Variants in MDN1 observed in about 807,000 individuals in gnomAD.
MDN1 encodes midasin AAA ATPase 1.
In MDN1, 266 loss-of-function variants were observed where a neutral mutation model predicts 669.2. The observed-to-expected ratio is 0.40, with a 90% CI of 0.36 to 0.44. The LOEUF (loss-of-function observed/expected upper bound fraction) is 0.44. MDN1 is among the 20% of genes least tolerant of loss of function. The probability of loss-of-function intolerance (pLI) is 1.00; values close to 1 mark genes in which losing one functional copy is unlikely to be tolerated. For synonymous variants in MDN1, 2,385 were observed against 2,457.1 expected, an observed-to-expected ratio of 0.97 and a Z score of 0.87; for missense variants, 5,940 against 6,754.0, an observed-to-expected ratio of 0.88 and a Z score of 4.22.
chr6:89,751,236 C>T, intron 23 of MDN1, 195 bp downstream of exon 23: 1 of 557,384 alleles, frequency 1.8e-6, no homozygotes, highest in Non-Finnish European at 3.0e-6. Flanking sequence ...ATCCATAGTG[C>T]TCCCTCCAAA....
At position 89,712,620 on chromosome 6, in the gene MDN1, A is replaced by G. The variant is rs775027253; in HGVS notation, c.7385T>C (p.Val2462Ala). 2 of 1,614,202 alleles carry G rather than the reference A, an allele frequency of 1.2e-6. No individual in the cohort carries two copies. Among genetic ancestry groups the G allele is most frequent in the African/African-American group, 2.7e-5 (2 of 75,056 alleles). The change falls in exon 48 of 102, where the codon GTA (valine) becomes GCA (alanine). Residue 2462 changes from valine to alanine, a missense_variant. Physicochemically the swap from Val to Ala is moderately conservative, Grantham distance 64 (BLOSUM62 0). Coordinates refer to ENST00000369393, the MANE Select transcript of MDN1 (RefSeq NM_014611.3). Reference protein sequence around the residue: ...STVRRDGQILVYCLNRMSMKT... With the variant: ...STVRRDGQILAYCLNRMSMKT... ...CATGCTCATCCTGTTGAGACAATAT[A>G]CTAAGATCTGTCCATCTCTTCGGAC...
Position 89,689,998 on chromosome 6 carries a change from A to T in MDN1, c.10895T>A (p.Leu3632His). 6.2e-7 allele frequency: 1 copy of T among 1,614,222 alleles called. No individual in the cohort carries two copies. The highest frequency in any genetic ancestry group is 8.5e-7 in the Non-Finnish European group (1 of 1,180,034). ...ATACCAGAGGGATCGAGCAAAGTTGAGACACAATTGCTGGTGTATCAGCAT... is the reference window on the plus strand; with the variant it reads ...ATACCAGAGGGATCGAGCAAAGTTGTGACACAATTGCTGGTGTATCAGCAT... ...AVMLIHQQLC[L>H]NFARSLWYQQ... The change falls in exon 65 of 102, where the codon CTC (leucine) becomes CAC (histidine). Residue 3632 changes from leucine (L) to histidine (H), a missense_variant. Physicochemically the swap from Leu to His is moderately conservative, Grantham distance 99. Transcript: ENST00000369393.
chr6:89,692,951 C>G lies in MDN1; in HGVS notation c.10079G>C (p.Arg3360Pro), dbSNP rs374811330. 1.9e-6 allele frequency: 3 copies of G among 1,614,066 alleles called. No homozygotes were observed. Among genetic ancestry groups the G allele is most frequent in the African/African-American group, 1.3e-5 (1 of 75,034 alleles). ...LLQALHIDGP[R>P]SAQVAQSLLK... ...AAGGCTCTGGGCTACTTGGGCAGACCGTGGCCCATCTATGTGGAGGGCCTG... is the reference window on the plus strand; with the variant it reads ...AAGGCTCTGGGCTACTTGGGCAGACGGTGGCCCATCTATGTGGAGGGCCTG... Residue 3360 changes from arginine to proline, a missense_variant, in exon 63 of 102, where the codon CGG (arginine) becomes CCG (proline). Physicochemically the swap from Arg to Pro is moderately radical, Grantham distance 103 (BLOSUM62 -2). Transcript: ENST00000369393.
chr6:89,658,727 A>G lies in MDN1; in HGVS notation c.14904T>C (p.Ala4968=). 3.7e-6 allele frequency: 6 copies of G among 1,614,182 alleles called. No individual in the cohort carries two copies. The highest frequency in any genetic ancestry group is 5.1e-6 in the Non-Finnish European group (6 of 1,180,038). Residue 4968 remains alanine (A), a synonymous_variant, in exon 89 of 102, where the codon GCT becomes GCC. Transcript: ENST00000369393. ...CAGAGTGTTCTTCAGGATGCTGAGC[A>G]GCATCTCCATCTTGGTCATCAGCTC... The part of the protein sequence containing the change: ...DTGADDQDGD[A]AQHPEEHSEE...
intron 84 of MDN1, among the ~76,000 whole-genome samples, chr6:89,665,943 G>A (rs1810175518): frequency 6.6e-6 from 1 of 152,166 alleles, no homozygotes; most frequent in African/African-American, 2.4e-5. Context: ...GGGAGACTGA[G>A]GCATGAAAAT....
intron 38 of MDN1, 127 bp downstream of exon 38, chr6:89,725,072 G>A: frequency 1.2e-6 from 1 of 835,762 alleles, no homozygotes; most frequent in Non-Finnish European, 1.9e-6. Context: ...ATCATATAAG[G>A]ACAAGAAAGA....
At position 89,723,093 on chromosome 6, in the gene MDN1, G is replaced by A; in HGVS notation, c.5829C>T (p.Pro1943=). The A allele has an allele frequency of 6.2e-7, 1 of 1,614,122 alleles. No individual in the cohort carries two copies. The highest frequency in any genetic ancestry group is 8.5e-7 in the Non-Finnish European group (1 of 1,179,990). The change falls in exon 40 of 102, where the codon CCC becomes CCT. Residue 1943 remains proline (P), a synonymous_variant. Coordinates refer to ENST00000369393, the MANE Select transcript of MDN1 (RefSeq NM_014611.3). ...AAAGGTCCCGGAGGTTGAATTCCCA[G>A]GGTCCTCCTTTTTGCCCCCATTTCT... ...VEKKWGQKGG[P]WEFNLRDLFR... is the part of the protein sequence containing the mutation.
At chr6:89,801,431 T>A (rs1404821082) in intron 2 of MDN1, among the ~76,000 whole-genome samples, 2 of 151,588 alleles carry the variant, frequency 1.3e-5, no homozygotes, top group African/African-American at 4.9e-5. Flanking sequence ...GGTAGGCAGA[T>A]CACGAGGTCA....
chr6:89,698,291 G>C (rs1273612441), intron 59 of MDN1, among the ~76,000 whole-genome samples: 3 of 152,178 alleles, frequency 2.0e-5, no homozygotes, highest in Non-Finnish European at 4.4e-5. Context: ...GCTCCAACAA[G>C]TGGACAAAGA....
At chr6:89,681,260 G>A (rs902427746) in intron 73 of MDN1, among the ~76,000 whole-genome samples, 1 of 151,884 alleles carries the variant, frequency 6.6e-6, no homozygotes, top group African/African-American at 2.4e-5. Context: ...TGCAACCTCC[G>A]CCTCCCAGAT....
Position 89,756,402 on chromosome 6 carries a change from T to A in MDN1, c.2703-12A>T, listed in dbSNP as rs12191172. On this transcript the variant is annotated splice_polypyrimidine_tract_variant and intron_variant, in intron 19 of 101. Coordinates refer to ENST00000369393, the MANE Select transcript of MDN1 (RefSeq NM_014611.3). Reference sequence around the variant, plus strand: ...AAAGTTCTGTGAACCTGTAAAACAATACATAATAAACACTTTTTAGGAAGT... The same window carrying A: ...AAAGTTCTGTGAACCTGTAAAACAAAACATAATAAACACTTTTTAGGAAGT... 3.8e-5 allele frequency: 49 copies of A among 1,304,362 alleles called. 1 individual carries two copies. The highest frequency in any genetic ancestry group is 4.9e-5 in the Non-Finnish European group (45 of 923,196). The allele number at this position is 1,304,362 out of a possible 1,614,324, so 80.8% of individuals were successfully genotyped here.
At chr6:89,654,886 A>T (rs945374133) in intron 92 of MDN1, among the ~76,000 whole-genome samples, 7 of 152,138 alleles carry the variant, frequency 4.6e-5, no homozygotes, top group Admixed American at 2.6e-4. Flanking sequence ...AAATAATAAA[A>T]AGTAGTAGAA....
chr6:89,676,567 G>A (rs761572612), intron 76 of MDN1, among the ~76,000 whole-genome samples: 8 of 152,308 alleles, frequency 5.3e-5, no homozygotes, highest in East Asian at 3.9e-4. Flanking sequence ...TGACCTCAAC[G>A]TGGGGAAGAC....
At chr6:89,753,064 C>T (rs1817038035) in intron 22 of MDN1, among the ~76,000 whole-genome samples, 1 of 151,666 alleles carries the variant, frequency 6.6e-6, no homozygotes, top group East Asian at 1.9e-4. Context: ...GGGAGAATGC[C>T]GTGAGCTGAG....
Position 89,645,055 on chromosome 6 carries a change from A to G in MDN1, c.16562T>C (p.Ile5521Thr). Residue 5521 changes from isoleucine to threonine, a missense_variant, in exon 101 of 102, where the codon ATC becomes ACC. Coordinates refer to ENST00000369393, the MANE Select transcript of MDN1 (RefSeq NM_014611.3). Reference protein sequence around the residue: ...AAVQAARNANIFVIFVVLDNP... With the variant: ...AAVQAARNANTFVIFVVLDNP... ...GTCCAATACAACAAAGATGACAAAGATATTTGCATTCCGGGCAGCCTGAAC... is the reference window on the plus strand; with the variant it reads ...GTCCAATACAACAAAGATGACAAAGGTATTTGCATTCCGGGCAGCCTGAAC... 1.2e-6 allele frequency: 2 copies of G among 1,610,010 alleles called. No homozygotes were observed. Among genetic ancestry groups the G allele is most frequent in the Non-Finnish European group, 1.7e-6 (2 of 1,176,516 alleles).
Position 89,695,675 on chromosome 6 carries a change from G to A in MDN1, c.9701C>T (p.Thr3234Ile). ...WVSLGLLQIQ[T>I]WLPQARFDPA... is the part of the protein sequence containing the mutation. ...GTCAAAGCGTGCCTGGGGAAGCCAT[G>A]TCTGAATCTGGAGCAAGCCGAGGCT... The change falls in exon 61 of 102, where the codon ACA (threonine) becomes ATA (isoleucine). Residue 3234 changes from threonine to isoleucine, a missense_variant. Coordinates refer to ENST00000369393, the MANE Select transcript of MDN1 (RefSeq NM_014611.3). This position sits in a 1 kb window ranked among gnomAD's most constrained non-coding sequence, Gnocchi z 4.1. 6.2e-7 allele frequency: 1 copy of A among 1,613,566 alleles called. No individual in the cohort carries two copies. The highest frequency in any genetic ancestry group is 8.5e-7 in the Non-Finnish European group (1 of 1,179,908).
chr6:89,785,149 C>T (rs1284678546), intron 8 of MDN1, 23 bp from the exon 9 acceptor site: 3 of 1,570,924 alleles, frequency 1.9e-6, no homozygotes, highest in Non-Finnish European at 1.8e-6. Context: ...ATAAAAAACA[C>T]AGTCACACAA....
rs1294345163 is a variant in MDN1, at chr6:89,774,720, C to A, written c.1835G>T (p.Cys612Phe). 1.2e-6 allele frequency: 2 copies of A among 1,612,194 alleles called. No homozygotes were observed. Among genetic ancestry groups the A allele is most frequent in the Non-Finnish European group, 1.7e-6 (2 of 1,178,436 alleles). ...CACAATTTCTGGTTTATAAAGTTGA[C>A]AAAAGAATTCAGCCTGTAGGAGGTA... ...NISRKKAEFF[C>F]QLYKPEIVIN... The change falls in exon 13 of 102, where the codon TGT becomes TTT. Residue 612 changes from cysteine (C) to phenylalanine (F), a missense_variant. This residue lies in a region of MDN1 where 1,203 missense variants were observed against 1,268.9 expected (regional missense o/e 0.95). Transcript: ENST00000369393.
chr6:89,680,813 G>C lies in MDN1; in HGVS notation c.12103-62C>G, dbSNP rs908007370. On this transcript the variant is annotated intron_variant, in intron 73 of 101. Coordinates refer to ENST00000369393, the MANE Select transcript of MDN1 (RefSeq NM_014611.3). ...AATGACAGGCAGTGTCCCTGCAAGG[G>C]AACTAAATTTAACTGTTGCACACAA... 1.6e-5 allele frequency: 25 copies of C among 1,555,536 alleles called. No individual in the cohort carries two copies. In the African/African-American group the frequency reaches 2.2e-4, roughly 14 times the overall value.
Sources: gnomAD v4.1 joint callset for allele counts (sites outside exome capture counted in the v4.1 genomes callset) on GRCh38, gnomAD v4.1.1 for gene constraint, gnomAD v4.1.1 regional missense constraint, Gnocchi (gnomAD v3.1) non-coding constraint, MANE v1.5 for transcripts, NCBI Gene and HGNC (gene_info 2026-07-23, HGNC 2026-07-21) for gene names.